TXLNG: variants seen among roughly 807,000 people sequenced by gnomAD.
TXLNG encodes taxilin gamma, also known as gamma-taxilin.
Under a neutral mutation model 38.8 loss-of-function variants are expected in TXLNG, and 5 were observed. The ratio of observed to expected loss-of-function variants is 0.13; its 90% CI spans 0.07 to 0.27. The LOEUF is 0.27. Ranked by LOEUF, TXLNG falls within the 10% of genes least tolerant of loss-of-function variation. TXLNG has a pLI of 1.00. For synonymous variants in TXLNG, 182 were observed against 158.2 expected, an observed-to-expected ratio of 1.15 and a Z score of -1.13; for missense variants, 393 against 398.2, an observed-to-expected ratio of 0.99 and a Z score of 0.11.
intron 1 of TXLNG, among the ~76,000 whole-genome samples, chrX:16,788,665 G>GTTT (rs757262986): frequency 1.7e-5 from 1 of 59,496 alleles, no homozygotes; most frequent in Non-Finnish European, 3.8e-5. Flanking sequence ...CAAACTTGTT[G>GTTT]TGTTTTTTTT....
At chrX:16,824,208 A>T (rs1929086752) in intron 3 of TXLNG, among the ~76,000 whole-genome samples, 1 of 111,984 alleles carries the variant, frequency 8.9e-6, no homozygotes, top group African/African-American at 3.2e-5. Context: ...ACACACACAC[A>T]CACGCACACA....
At chrX:16,819,604 C>A (rs750178745) in intron 2 of TXLNG, among the ~76,000 whole-genome samples, 217 of 112,041 alleles carry the variant, frequency 1.9e-3, no homozygotes, top group Non-Finnish European at 2.0e-3. Context: ...TAAGGTCTTT[C>A]CCCACAGGAA....
chrX:16,834,122 T>C (rs1602397971), intron 6 of TXLNG, among the ~76,000 whole-genome samples, 161 bp from the exon 7 acceptor site: 1 of 112,364 alleles, frequency 8.9e-6, no homozygotes, highest in African/African-American at 3.2e-5. Flanking sequence ...GTGGGACAGA[T>C]AGAAGATACA....
intron 3 of TXLNG, among the ~76,000 whole-genome samples, chrX:16,823,182 G>A (rs1158230544): frequency 9.0e-6 from 1 of 111,047 alleles, no homozygotes; most frequent in Admixed American, 9.6e-5. Flanking sequence ...CACTTAAAAG[G>A]TAGATATAGG....
At chrX:16,828,558 A>G (rs1311725126) in intron 4 of TXLNG, among the ~76,000 whole-genome samples, 1 of 111,827 alleles carries the variant, frequency 8.9e-6, no homozygotes, top group Non-Finnish European at 1.9e-5. Flanking sequence ...GAAGCTCAGA[A>G]TTGCCAGTTT....
intron 1 of TXLNG, among the ~76,000 whole-genome samples, chrX:16,817,739 T>C (rs963492624): frequency 3.5e-5 from 4 of 112,705 alleles, no homozygotes; most frequent in African/African-American, 1.3e-4. Context: ...CATACTGGAA[T>C]AAAGGCATCT....
intron 1 of TXLNG, among the ~76,000 whole-genome samples, chrX:16,802,726 G>A (rs1010478689): frequency 1.8e-5 from 2 of 110,720 alleles, no homozygotes; most frequent in African/African-American, 6.6e-5. Context: ...CAACTTAAAA[G>A]GTCTTTTTTA....
chrX:16,824,788 G>A (rs2147487427), intron 3 of TXLNG, among the ~76,000 whole-genome samples: 1 of 109,685 alleles, frequency 9.1e-6, no homozygotes, highest in African/African-American at 3.3e-5. Flanking sequence ...AGCCGGGCAT[G>A]GTGTTTGCGC....
At chrX:16,841,193 C>CAA (rs200825105) in intron 9 of TXLNG, among the ~76,000 whole-genome samples, 2 of 98,515 alleles carry the variant, frequency 2.0e-5, no homozygotes, top group East Asian at 3.2e-4. Flanking sequence ...GACTCTGTCT[C>CAA]AAAAAAAAAA....
rs761862450 is a variant in TXLNG, at chrX:16,841,740, G to C, written c.1561G>C (p.Ala521Pro). Residue 521 changes from alanine (A) to proline (P), a missense_variant, in exon 10 of 10, where the codon GCT becomes CCT. Transcript: ENST00000380122. ...AVQKPPSTGS[A>P]PAIESVD is the part of the protein sequence containing the mutation. ...GCAAAAGCCCCCGTCCACAGGCTCT[G>C]CTCCGGCCATCGAGTCGGTTGACTA... 5 of 1,210,732 alleles carry C rather than the reference G, an allele frequency of 4.1e-6. No homozygotes were observed. In the East Asian group the frequency reaches 1.5e-4, roughly 36 times the overall value.
intron 1 of TXLNG, among the ~76,000 whole-genome samples, chrX:16,806,398 C>T (rs1044327512): frequency 8.9e-6 from 1 of 112,592 alleles, no homozygotes; most frequent in African/African-American, 3.2e-5. Flanking sequence ...GTTGTCCGTA[C>T]ACTCCTGGTT....
intron 5 of TXLNG, among the ~76,000 whole-genome samples, chrX:16,832,047 T>C (rs1285752382): frequency 8.9e-6 from 1 of 112,219 alleles, no homozygotes; most frequent in Non-Finnish European, 1.9e-5. Flanking sequence ...AGTGCCACCA[T>C]CGCATTTACT....
chrX:16,834,237 C>T (rs763010422), intron 6 of TXLNG, 46 bp from the exon 7 acceptor site: 1 of 1,065,597 alleles, frequency 9.4e-7, no homozygotes. Context: ...TTTAGTCCTG[C>T]TTGTAATTAC....
At chrX:16,820,400 T>C (rs1928894687) in intron 3 of TXLNG, 145 bp downstream of exon 3, 4 of 470,272 alleles carry the variant, frequency 8.5e-6, no homozygotes, top group Non-Finnish European at 1.4e-5. Flanking sequence ...GAATCTGTTT[T>C]GTTGGGGCTT....
intron 1 of TXLNG, among the ~76,000 whole-genome samples, chrX:16,800,559 A>T (rs758701268): frequency 2.2e-5 from 2 of 92,376 alleles, no homozygotes; most frequent in Admixed American, 2.4e-4. Flanking sequence ...GGAGAGGAGG[A>T]AACTTTTTTT....
chrX:16,827,218 TAATG>T (rs767025289), intron 3 of TXLNG, among the ~76,000 whole-genome samples: 30 of 111,177 alleles, frequency 2.7e-4, no homozygotes, highest in Non-Finnish European at 3.6e-4. Flanking sequence ...AAAAAAATGA[TAATG>T]AAAATAAAAA....
intron 7 of TXLNG, among the ~76,000 whole-genome samples, chrX:16,835,732 CTTG>C (rs1431189947): frequency 8.9e-6 from 1 of 112,296 alleles, no homozygotes; most frequent in Non-Finnish European, 1.9e-5. Flanking sequence ...GCTGTCACCT[CTTG>C]TTTTCCTCTA....
rs766227582 is a variant in TXLNG, at chrX:16,829,583, A to G, written c.677A>G (p.Asn226Ser). Residue 226 changes from asparagine to serine, a missense_variant, in exon 5 of 10, where the codon AAT becomes AGT. Coordinates refer to ENST00000380122, the MANE Select transcript of TXLNG (RefSeq NM_018360.3). ...ATTATTTTGGGTAATAAGGAGGAAAATATGCAGCAGGCACGAGAGGAAGAA... is the reference window on the plus strand; with the variant it reads ...ATTATTTTGGGTAATAAGGAGGAAAGTATGCAGCAGGCACGAGAGGAAGAA... ...QRHNKTLKEENMQQAREEEER... is the reference protein window; with the variant it reads ...QRHNKTLKEESMQQAREEEER... 2 of 1,210,374 alleles carry G rather than the reference A, an allele frequency of 1.7e-6. No individual in the cohort carries two copies. The highest frequency in any genetic ancestry group is 4.4e-5 in the Admixed American group (2 of 45,793).
At position 16,815,000 on chromosome X, in the gene TXLNG, CAG is replaced by C. The variant is rs763000859; in HGVS notation, c.103-3573_103-3572del. On this transcript the variant is annotated intron_variant, in intron 1 of 9. Coordinates refer to ENST00000380122, the MANE Select transcript of TXLNG (RefSeq NM_018360.3). ...GTAGCCTCAGGGTTAGGACAGGCCTCAGGGTTTTCTTGGTGAAAATTATTTAT... is the reference window on the plus strand; with the variant it reads ...GTAGCCTCAGGGTTAGGACAGGCCTCGGTTTTCTTGGTGAAAATTATTTAT... Among the ~76,000 whole-genome samples, 13 of 111,998 alleles carry C rather than the reference CAG, an allele frequency of 1.2e-4. No homozygotes were observed. In the East Asian group the frequency reaches 2.2e-3, roughly 19 times the overall value.
Sources: gnomAD v4.1 joint callset for allele counts (sites outside exome capture counted in the v4.1 genomes callset) on GRCh38, gnomAD v4.1.1 for gene constraint, MANE v1.5 for transcripts, NCBI Gene and HGNC (gene_info 2026-07-23, HGNC 2026-07-21) for gene names.